Variants in OSBPL6 observed in about 807,000 individuals in gnomAD.
The protein encoded by OSBPL6 is oxysterol-binding protein-related protein 6.
A neutral mutation model predicts 125.8 loss-of-function variants in OSBPL6; 49 were observed. The ratio of observed to expected loss-of-function variants is 0.39; its 90% CI spans 0.31 to 0.49. The LOEUF (loss-of-function observed/expected upper bound fraction) is 0.49, where lower values mean the gene tolerates loss of function less well. Ranked by LOEUF, OSBPL6 falls within the 20% of genes least tolerant of loss-of-function variation. The pLI, the probability that OSBPL6 is intolerant of heterozygous loss-of-function variation, is 0.88. For missense variants in OSBPL6, 986 were observed against 1,135.4 expected (o/e 0.87, Z 1.89); for synonymous variants, 394 against 391.8 (o/e 1.01, Z -0.07).
intron 1 of OSBPL6, among the ~76,000 whole-genome samples, chr2:178,255,410 C>T (rs532025478): frequency 1.2e-4 from 18 of 152,220 alleles, no homozygotes; most frequent in Non-Finnish European, 2.1e-4. Flanking sequence ...TTCACTATCA[C>T]GAGAACAGCA....
chr2:178,341,332 TC>T (rs1344742622), intron 11 of OSBPL6, among the ~76,000 whole-genome samples: 1 of 142,036 alleles, frequency 7.0e-6, no homozygotes, highest in African/African-American at 2.7e-5. Flanking sequence ...CCCAAATCAT[TC>T]TTTTTTTTTT....
intron 1 of OSBPL6, among the ~76,000 whole-genome samples, chr2:178,229,222 C>G (rs2090708115): frequency 6.6e-6 from 1 of 152,184 alleles, no homozygotes. Context: ...CAGGCCCCAC[C>G]TCCCAATACT....
intron 2 of OSBPL6, among the ~76,000 whole-genome samples, chr2:178,287,577 T>C (rs1684826008): frequency 6.6e-6 from 1 of 152,200 alleles, no homozygotes; most frequent in Non-Finnish European, 1.5e-5. Context: ...ACACTTTTGC[T>C]GAGTTGTGAC....
intron 1 of OSBPL6, among the ~76,000 whole-genome samples, chr2:178,263,312 C>G (rs2092122025): frequency 6.6e-6 from 1 of 152,170 alleles, no homozygotes. Flanking sequence ...AACCCCATCT[C>G]TACTAAAAAT....
intron 1 of OSBPL6, among the ~76,000 whole-genome samples, chr2:178,205,742 T>C (rs1475146863): frequency 6.6e-6 from 1 of 152,188 alleles, no homozygotes; most frequent in Admixed American, 6.5e-5. Context: ...TTACATGTAG[T>C]CACTTATTGA....
chr2:178,239,615 T>C (rs1173126873), intron 1 of OSBPL6, among the ~76,000 whole-genome samples: 2 of 149,708 alleles, frequency 1.3e-5, no homozygotes, highest in Non-Finnish European at 3.0e-5. Flanking sequence ...TTTATTTATT[T>C]ATTTATTTAT....
At chr2:178,256,238 T>C (rs576465729) in intron 1 of OSBPL6, among the ~76,000 whole-genome samples, 13 of 152,330 alleles carry the variant, frequency 8.5e-5, no homozygotes, top group Admixed American at 5.9e-4. Context: ...GGATAGGACA[T>C]GTTAGACTGT....
intron 1 of OSBPL6, among the ~76,000 whole-genome samples, chr2:178,222,533 C>T (rs538831679): frequency 1.4e-4 from 22 of 152,280 alleles, no homozygotes; most frequent in African/African-American, 5.3e-4. Flanking sequence ...GTCCCAGCTA[C>T]TTGGGAGGCT....
At chr2:178,360,570 T>TA (rs1258735956) in intron 12 of OSBPL6, among the ~76,000 whole-genome samples, 1 of 152,028 alleles carries the variant, frequency 6.6e-6, no homozygotes, top group Non-Finnish European at 1.5e-5. Context: ...ACATACACAA[T>TA]AAAAAAAATT....
chr2:178,400,858 T>A lies in OSBPL6; in HGVS notation c.*5299T>A, dbSNP rs1172295058. ...TATGGGATTTTTCTAGAAGGCCACG[T>A]GCATATGCACCCTCCCCTTCCATTA... On this transcript the variant is annotated 3_prime_UTR_variant, in exon 25 of 25. Coordinates refer to ENST00000190611, the MANE Select transcript of OSBPL6 (RefSeq NM_032523.4). 1 of 152,232 alleles carries A rather than the reference T, an allele frequency of 6.6e-6. No homozygotes were observed. Among genetic ancestry groups the A allele is most frequent in the Non-Finnish European group, 1.5e-5 (1 of 68,034 alleles). 9.4% of individuals were successfully genotyped at this position (152,232 alleles called of 1,614,324 possible). A position where few individuals can be genotyped will look rare whatever the true frequency, so the allele number is the denominator to read the frequency against.
At chr2:178,214,789 A>AT (rs929694331) in intron 1 of OSBPL6, among the ~76,000 whole-genome samples, 14 of 150,814 alleles carry the variant, frequency 9.3e-5, no homozygotes, top group East Asian at 3.9e-4. Flanking sequence ...CTTAAAAAAA[A>AT]TTTTTTTTTT....
At chr2:178,360,379 G>C (rs1692237036) in intron 12 of OSBPL6, among the ~76,000 whole-genome samples, 1 of 151,998 alleles carries the variant, frequency 6.6e-6, no homozygotes, top group South Asian at 2.1e-4. Flanking sequence ...GCGGTGGGGG[G>C]GCGGGAAATG....
At chr2:178,371,740 G>A (rs1235534449) in intron 13 of OSBPL6, among the ~76,000 whole-genome samples, 1 of 151,912 alleles carries the variant, frequency 6.6e-6, no homozygotes. Context: ...TTAGAAACTA[G>A]AACAAAAACA....
chr2:178,346,137 G>T (rs907331728), intron 11 of OSBPL6, among the ~76,000 whole-genome samples: 1 of 152,162 alleles, frequency 6.6e-6, no homozygotes, highest in African/African-American at 2.4e-5. Context: ...TCAGAAATTT[G>T]CTCTTGATGA....
intron 1 of OSBPL6, among the ~76,000 whole-genome samples, chr2:178,233,308 A>G (rs567449279): frequency 6.6e-5 from 10 of 152,360 alleles, no homozygotes; most frequent in Non-Finnish European, 1.5e-5. Context: ...GTGGCAACCA[A>G]CTTCCAATGC....
chr2:178,228,968 A>G (rs2090696037), intron 1 of OSBPL6, among the ~76,000 whole-genome samples: 1 of 152,226 alleles, frequency 6.6e-6, no homozygotes, highest in South Asian at 2.1e-4. Flanking sequence ...ATTTATACAG[A>G]AAAGAGGTTT....
At chr2:178,390,102 C>T (rs372369622) in intron 21 of OSBPL6, among the ~76,000 whole-genome samples, 3 of 152,324 alleles carry the variant, frequency 2.0e-5, no homozygotes, top group African/African-American at 7.2e-5. Flanking sequence ...AGCTGCAGTG[C>T]AGTCCTGTCT....
chr2:178,363,579 A>C (rs1341405500), intron 13 of OSBPL6, among the ~76,000 whole-genome samples: 1 of 152,218 alleles, frequency 6.6e-6, no homozygotes, highest in African/African-American at 2.4e-5. Context: ...GCAGAGCCAC[A>C]GATCAGGCTT....
At chr2:178,244,141 G>T (rs770613604) in intron 1 of OSBPL6, among the ~76,000 whole-genome samples, 1 of 152,150 alleles carries the variant, frequency 6.6e-6, no homozygotes, top group Non-Finnish European at 1.5e-5. Context: ...CCGCTGGTCT[G>T]GTTTAAATTC....
Sources: gnomAD v4.1 joint callset for allele counts (sites outside exome capture counted in the v4.1 genomes callset) on GRCh38, gnomAD v4.1.1 for gene constraint, MANE v1.5 for transcripts, NCBI Gene and HGNC (gene_info 2026-07-23, HGNC 2026-07-21) for gene names.